PGM3: variants seen among roughly 807,000 people sequenced by gnomAD.
The protein encoded by PGM3 is phosphoglucomutase 3.
Under a neutral mutation model 66.2 loss-of-function variants are expected in PGM3, and 40 were observed. The observed-to-expected ratio is 0.60, with a 90% confidence interval of 0.47 to 0.79. The LOEUF is 0.79. Ranked by LOEUF, PGM3 falls within the 30% of genes least tolerant of loss-of-function variation. The pLI, the probability that PGM3 is intolerant of heterozygous loss-of-function variation, is 0.00. For synonymous variants in PGM3, 191 were observed against 224.2 expected (o/e 0.85, Z 1.32); for missense variants, 537 against 643.4 (o/e 0.83, Z 1.79).
At position 83,189,224 on chromosome 6, in the gene PGM3, C is replaced by A. The variant is rs555036872; in HGVS notation, c.205-426G>T. On this transcript the variant is annotated intron_variant, in intron 2 of 12. Coordinates refer to ENST00000513973, the MANE Select transcript of PGM3 (RefSeq NM_015599.3). ...TAAACTGACTAGGGCACAAGTGGAGCAGAATAAGGGCACACAGAGATCCTT... is the reference window on the plus strand; with the variant it reads ...TAAACTGACTAGGGCACAAGTGGAGAAGAATAAGGGCACACAGAGATCCTT... Among the ~76,000 whole-genome samples the A allele has an allele frequency of 2.6e-5, 4 of 152,290 alleles. No individual in the cohort carries two copies. The South Asian group carries it at 8.3e-4, about 32-fold the overall frequency.
At position 83,165,005 on chromosome 6, in the gene PGM3, C is replaced by T. The variant is rs1345855399; in HGVS notation, c.*4229G>A. ...AATAAAAGTCCCTCTCTTAAAGGCT[C>T]ATCTTGATAGGAATAGAAACAAAAG... On this transcript the variant is annotated 3_prime_UTR_variant, in exon 13 of 13. Transcript: ENST00000513973. 9.6e-6 allele frequency: 3 copies of T among 313,398 alleles called. No individual in the cohort carries two copies. Among genetic ancestry groups the T allele is most frequent in the Non-Finnish European group, 1.7e-5 (3 of 171,764 alleles). 19.4% of individuals were successfully genotyped at this position (313,398 alleles called of 1,614,324 possible).
At chr6:83,164,826 G>A, downstream of PGM3, 1 of 864,292 alleles carries the variant, frequency 1.2e-6, no homozygotes, top group South Asian at 1.8e-5. Flanking sequence ...TAAACAGGAA[G>A]GAAGTCTTTT....
At chr6:83,156,432 C>A (rs1174321661), downstream of PGM3, among the ~76,000 whole-genome samples, 1 of 152,262 alleles carries the variant, frequency 6.6e-6, no homozygotes, top group East Asian at 1.9e-4. Flanking sequence ...TTTGTGTACT[C>A]TGAGAAGACC....
Position 83,177,416 on chromosome 6 carries a change from G to C in PGM3, c.1029+1257C>G, listed in dbSNP as rs114552308. Among the ~76,000 whole-genome samples, 675 of 151,638 alleles carry C rather than the reference G, an allele frequency of 4.5e-3. 4 individuals are homozygous for C. Among genetic ancestry groups the C allele is most frequent in the African/African-American group, 0.016 (647 of 41,354 alleles). On this transcript the variant is annotated intron_variant, in intron 8 of 12. Coordinates refer to ENST00000513973, the MANE Select transcript of PGM3 (RefSeq NM_015599.3). ...GACACCGGGGAAATAATTAGAAACA[G>C]AATCTCCCACCACCCCAGAAAACCT...
In PGM3 at chr6:83,167,593, C is replaced by A; in HGVS notation, c.*1641G>T. The A allele has an allele frequency of 7.0e-6, 8 of 1,148,596 alleles. No individual in the cohort carries two copies. Among genetic ancestry groups the A allele is most frequent in the Non-Finnish European group, 8.5e-6 (8 of 936,018 alleles). 71.2% of individuals were successfully genotyped at this position (1,148,596 alleles called of 1,614,324 possible). A position where few individuals can be genotyped will look rare whatever the true frequency, so the allele number is the denominator to read the frequency against. ...TAAAACTTTTATGTTTGACTCTATT[C>A]CTGTTCAAAGCTATTTCTGTTAACT... On this transcript the variant is annotated 3_prime_UTR_variant, in exon 13 of 13. Coordinates refer to ENST00000513973, the MANE Select transcript of PGM3 (RefSeq NM_015599.3).
At chr6:83,158,694 T>C, downstream of PGM3, 1 of 1,012,984 alleles carries the variant, frequency 9.9e-7, no homozygotes, top group Non-Finnish European at 1.5e-6. Context: ...TTACTCAGCA[T>C]CTAGGAGAAT....
intron 10 of PGM3, among the ~76,000 whole-genome samples, chr6:83,173,067 C>G (rs1259696924): frequency 6.6e-6 from 1 of 152,036 alleles, no homozygotes; most frequent in Non-Finnish European, 1.5e-5. Flanking sequence ...TTAGTGTTTC[C>G]GACTTGAGTG....
chr6:83,158,752 T>A, downstream of PGM3: 1 of 691,650 alleles, frequency 1.4e-6, no homozygotes, highest in South Asian at 2.1e-5. Flanking sequence ...TTGATTACGT[T>A]TGGATATAAT....
chr6:83,178,664 G>A lies in PGM3; in HGVS notation c.1029+9C>T, dbSNP rs754870190. ...AAGAAACTACCAGAAAACAAAAATG[G>A]TTCAATACCTTCATAACTTCTTCAA... On this transcript the variant is annotated intron_variant, in intron 8 of 12. Coordinates refer to ENST00000513973, the MANE Select transcript of PGM3 (RefSeq NM_015599.3). 6.5e-7 allele frequency: 1 copy of A among 1,531,318 alleles called. No homozygotes were observed. Among genetic ancestry groups the A allele is most frequent in the East Asian group, 2.3e-5 (1 of 44,366 alleles). The allele number at this position is 1,531,318 out of a possible 1,614,324, so 94.9% of individuals were successfully genotyped here.
Position 83,172,013 on chromosome 6 carries a change from A to C in PGM3, c.1289T>G (p.Leu430Trp). 2.5e-6 allele frequency: 4 copies of C among 1,613,880 alleles called. No individual in the cohort carries two copies. Among genetic ancestry groups the C allele is most frequent in the Non-Finnish European group, 3.4e-6 (4 of 1,179,718 alleles). Residue 430 changes from leucine (L) to tryptophan (W), a missense_variant, in exon 11 of 13, where the codon TTG (leucine) becomes TGG (tryptophan). Physicochemically the swap from Leu to Trp is moderately conservative, Grantham distance 61 (BLOSUM62 -2). Transcript: ENST00000513973. ...ISDMLVIEAI[L>W]ALKGLTVQQW... ...TTGTACAGTCAAGCCCTTCAGAGCC[A>C]AGATTGCTTCAATCACCAGCATGTC...
chr6:83,157,719 A>C (rs113098668), downstream of PGM3, among the ~76,000 whole-genome samples: 1 of 152,258 alleles, frequency 6.6e-6, no homozygotes, highest in African/African-American at 2.4e-5. Flanking sequence ...TATTACATAT[A>C]CTCACTCTTG....
chr6:83,188,741 C>T lies in PGM3; in HGVS notation c.262G>A (p.Glu88Lys). 6.2e-7 allele frequency: 1 copy of T among 1,614,042 alleles called. No homozygotes were observed. The highest frequency in any genetic ancestry group is 8.5e-7 in the Non-Finnish European group (1 of 1,179,938). ...PLGEMLAPSW[E>K]EHATCLANAE... ...TTTGCTAAACAGGTGGCATGTTCCT[C>T]CCAGGATGGTGCCAACATTTCACCC... Residue 88 changes from glutamate (E) to lysine (K), a missense_variant, in exon 3 of 13, where the codon GAG becomes AAG. Physicochemically the swap from Glu to Lys is moderately conservative, Grantham distance 56 (BLOSUM62 1). Coordinates refer to ENST00000513973, the MANE Select transcript of PGM3 (RefSeq NM_015599.3).
chr6:83,191,151 A>C, intron 1 of PGM3, 137 bp from the exon 2 acceptor site: 1 of 1,490,174 alleles, frequency 6.7e-7, no homozygotes, highest in Non-Finnish European at 9.1e-7. Flanking sequence ...TGACAGAGCA[A>C]TGGGCAGGAG....
At chr6:83,157,309 T>G (rs1425318883), downstream of PGM3, 1 of 1,613,346 alleles carries the variant, frequency 6.2e-7, no homozygotes, top group Admixed American at 1.7e-5. Context: ...CTACCATGAT[T>G]ACAGAACTTG....
downstream of PGM3, chr6:83,162,881 G>A (rs756913283): frequency 4.3e-6 from 7 of 1,613,046 alleles, no homozygotes; most frequent in East Asian, 6.7e-5. Flanking sequence ...TAAACCTTAC[G>A]TGGTACGACT....
intron 4 of PGM3, 129 bp from the exon 5 acceptor site, chr6:83,183,107 T>A (rs562106268): frequency 1.9e-5 from 15 of 800,636 alleles, no homozygotes; most frequent in African/African-American, 3.5e-5. Flanking sequence ...TTAGAAAACA[T>A]AAAAATGATC....
At chr6:83,171,852 A>G (rs1302699781) in intron 11 of PGM3, 85 bp downstream of exon 11, 1 of 1,069,258 alleles carries the variant, frequency 9.4e-7, no homozygotes, top group Admixed American at 1.9e-5. Context: ...TAGGAAACAT[A>G]TGTCAGTGAG....
chr6:83,188,663 C>T lies in PGM3; in HGVS notation c.340G>A (p.Ala114Thr). The T allele has an allele frequency of 6.2e-7, 1 of 1,614,054 alleles. No homozygotes were observed. Among genetic ancestry groups the T allele is most frequent in the Non-Finnish European group, 8.5e-7 (1 of 1,179,946 alleles). Residue 114 changes from alanine (A) to threonine (T), a missense_variant, in exon 3 of 13, where the codon GCT becomes ACT. Transcript: ENST00000513973. Reference protein sequence around the residue: ...RVLIDISEKEAVNLQQDAFVV... With the variant: ...RVLIDISEKETVNLQQDAFVV... The stretch of plus-strand genomic sequence containing the variant: ...AAGGCATCTTGTTGCAGATTCACAG[C>T]TTCTTTCTCGCTGATGTCAATAAGC...
chr6:83,188,079 A>G (rs1268644996), intron 3 of PGM3, among the ~76,000 whole-genome samples: 1 of 152,230 alleles, frequency 6.6e-6, no homozygotes, highest in African/African-American at 2.4e-5. Flanking sequence ...GCAAAAGGAA[A>G]TGCTACTGTT....
Sources: gnomAD v4.1 joint callset for allele counts (sites outside exome capture counted in the v4.1 genomes callset) on GRCh38, gnomAD v4.1.1 for gene constraint, MANE v1.5 for transcripts, NCBI Gene and HGNC (gene_info 2026-07-23, HGNC 2026-07-21) for gene names.